The following SETBP1 variants were observed in gnomAD, a reference collection of about 807,000 sequenced individuals.
SETBP1 encodes the protein SET binding protein 1.
In SETBP1, 9 loss-of-function variants were observed where a neutral mutation model predicts 101.0. That is an observed-to-expected ratio of 0.09 (90% confidence interval 0.05 to 0.16). The LOEUF (loss-of-function observed/expected upper bound fraction) is 0.16. Ranked by LOEUF, SETBP1 falls within the 10% of genes least tolerant of loss-of-function variation. The pLI, the probability that SETBP1 is intolerant of heterozygous loss-of-function variation, is 1.00. For synonymous variants in SETBP1, 818 were observed against 788.5 expected, an observed-to-expected ratio of 1.04 and a Z score of -0.63; for missense variants, 1,858 against 2,033.8, an observed-to-expected ratio of 0.91 and a Z score of 1.66.
intron 4 of SETBP1, among the ~76,000 whole-genome samples, chr18:45,038,012 G>A (rs899189408): frequency 6.6e-6 from 1 of 152,068 alleles, no homozygotes. Context: ...CAAACACCTA[G>A]GATAAGTAAA....
intron 4 of SETBP1, among the ~76,000 whole-genome samples, chr18:44,980,294 C>G (rs2072083571): frequency 1.3e-5 from 2 of 151,988 alleles, no homozygotes; most frequent in African/African-American, 4.8e-5. Context: ...GTTTTTAGGG[C>G]TCAGCATTAT....
chr18:44,730,276 A>T (rs1191513683), intron 2 of SETBP1, among the ~76,000 whole-genome samples: 1 of 152,236 alleles, frequency 6.6e-6, no homozygotes, highest in African/African-American at 2.4e-5. Flanking sequence ...TAAGACAAAC[A>T]TGGAAAACTA....
intron 3 of SETBP1, chr18:44,871,810 TC>T (rs1227559272): frequency 2.6e-5 from 4 of 152,208 alleles, no homozygotes; most frequent in Non-Finnish European, 5.9e-5. Flanking sequence ...GCCCGTGTTT[TC>T]TAGGGTATTG....
At chr18:44,896,756 C>T (rs973204984) in intron 3 of SETBP1, among the ~76,000 whole-genome samples, 2 of 152,160 alleles carry the variant, frequency 1.3e-5, no homozygotes, top group Non-Finnish European at 2.9e-5. Flanking sequence ...CCACACCCAG[C>T]CCTACATCCA....
chr18:44,843,881 T>A (rs2072671466), intron 2 of SETBP1, among the ~76,000 whole-genome samples: 1 of 152,200 alleles, frequency 6.6e-6, no homozygotes, highest in Non-Finnish European at 1.5e-5. Context: ...TCCACAGGCA[T>A]CTTTATCAGA....
intron 2 of SETBP1, among the ~76,000 whole-genome samples, chr18:44,708,958 G>A (rs180699840): frequency 1.4e-3 from 206 of 152,238 alleles, no homozygotes; most frequent in Non-Finnish European, 2.4e-3. Context: ...TTTCCTTTTA[G>A]CCCGAAATGT....
At chr18:45,033,188 T>TTTTCAAAAATA (rs2073331909) in intron 4 of SETBP1, among the ~76,000 whole-genome samples, 1 of 152,182 alleles carries the variant, frequency 6.6e-6, no homozygotes, top group Non-Finnish European at 1.5e-5. Context: ...TATTATCAAG[T>TTTTCAAAAATA]TTTCAAAAGT....
At chr18:44,852,594 G>T (rs2144593233) in intron 2 of SETBP1, among the ~76,000 whole-genome samples, 1 of 152,246 alleles carries the variant, frequency 6.6e-6, no homozygotes, top group East Asian at 1.9e-4. Context: ...TAGGTATAAA[G>T]CACATTCATG....
intron 2 of SETBP1, among the ~76,000 whole-genome samples, chr18:44,767,304 C>G (rs1215684614): frequency 6.6e-6 from 1 of 152,074 alleles, no homozygotes; most frequent in Non-Finnish European, 1.5e-5. Context: ...TTTCATTCCC[C>G]AAAATAATGG....
intron 1 of SETBP1, among the ~76,000 whole-genome samples, chr18:44,697,585 T>C (rs761855461): frequency 6.6e-6 from 1 of 152,218 alleles, no homozygotes; most frequent in Non-Finnish European, 1.5e-5. Context: ...AAGCACCCAG[T>C]CCTGCAATGG....
intron 1 of SETBP1, among the ~76,000 whole-genome samples, chr18:44,699,360 T>C (rs1370150611): frequency 6.6e-6 from 1 of 152,216 alleles, no homozygotes; most frequent in African/African-American, 2.4e-5. Context: ...GGTACATTGA[T>C]GTCTCCAACA....
At chr18:44,704,120 A>G (rs1181348836) in intron 2 of SETBP1, among the ~76,000 whole-genome samples, 1 of 152,152 alleles carries the variant, frequency 6.6e-6, no homozygotes, top group Non-Finnish European at 1.5e-5. Context: ...AAAGCCACTG[A>G]TTGTTCCCAA....
chr18:44,774,692 A>G (rs528264508), intron 2 of SETBP1, among the ~76,000 whole-genome samples: 1 of 152,250 alleles, frequency 6.6e-6, no homozygotes, highest in East Asian at 1.9e-4. Flanking sequence ...TCTTCTACAG[A>G]CACTCTGGAA....
rs139439212 is a variant in SETBP1, at chr18:44,847,576, G to A, written c.487-21654G>A. Among the ~76,000 whole-genome samples, 770 of 152,276 alleles carry A rather than the reference G, an allele frequency of 5.1e-3. 4 individuals carry two copies. Among genetic ancestry groups the A allele is most frequent in the African/African-American group, 0.017 (716 of 41,554 alleles). Reference sequence around the variant, plus strand: ...GTAGAGCTCCCTGATGTAGAGACACGCATGCATTGCTTTGTGCAACAGGTA... The same window carrying A: ...GTAGAGCTCCCTGATGTAGAGACACACATGCATTGCTTTGTGCAACAGGTA... On this transcript the variant is annotated intron_variant, in intron 2 of 5. Transcript: ENST00000649279.
chr18:44,695,083 G>T (rs780010058), intron 1 of SETBP1, among the ~76,000 whole-genome samples: 1 of 152,110 alleles, frequency 6.6e-6, no homozygotes, highest in Non-Finnish European at 1.5e-5. Context: ...ATGGAAAATA[G>T]AATCAAATTG....
intron 1 of SETBP1, among the ~76,000 whole-genome samples, chr18:44,695,859 CTTTT>C (rs749678683): frequency 7.0e-6 from 1 of 142,064 alleles, no homozygotes; most frequent in African/African-American, 2.6e-5. Context: ...GGGAAACCAC[CTTTT>C]TTTTTTTTTT....
chr18:44,943,837 T>C (rs2071140481), intron 3 of SETBP1, among the ~76,000 whole-genome samples: 1 of 120,028 alleles, frequency 8.3e-6, no homozygotes, highest in East Asian at 2.6e-4. Context: ...TTTCTTTTTT[T>C]TTCTTTTTTT....
intron 5 of SETBP1, among the ~76,000 whole-genome samples, chr18:45,051,598 C>T (rs2073722198): frequency 6.6e-6 from 1 of 152,116 alleles, no homozygotes; most frequent in South Asian, 2.1e-4. Context: ...TCAAAAACAA[C>T]AAAAAAGACC....
At chr18:44,694,690 C>A (rs569730997) in intron 1 of SETBP1, among the ~76,000 whole-genome samples, 1 of 152,032 alleles carries the variant, frequency 6.6e-6, no homozygotes, top group African/African-American at 2.4e-5. Flanking sequence ...TGACTGGCTT[C>A]ACAATGGGTA....
Sources: allele counts gnomAD v4.1 joint callset (sites outside exome capture counted in the v4.1 genomes callset), GRCh38; gene constraint gnomAD v4.1.1; transcripts MANE v1.5; gene names NCBI Gene and HGNC (gene_info 2026-07-23, HGNC 2026-07-21).